Variants in TTC23L observed in about 807,000 individuals in gnomAD.
TTC23L encodes tetratricopeptide repeat protein 23-like.
A neutral mutation model predicts 48.1 loss-of-function variants in TTC23L; 42 were observed. The ratio of observed to expected loss-of-function variants is 0.87; its 90% confidence interval spans 0.68 to 1.13. The LOEUF (loss-of-function observed/expected upper bound fraction) is 1.13, where lower values mean the gene tolerates loss of function less well. Ranked by LOEUF, TTC23L falls within the 50% of genes most tolerant of loss-of-function variation. TTC23L has a pLI of 0.00. For synonymous variants in TTC23L, 159 were observed against 157.2 expected (o/e 1.01, Z -0.09); for missense variants, 391 against 421.0 (o/e 0.93, Z 0.62).
chr5:34,901,528 C>T (rs1207571602), downstream of TTC23L, among the ~76,000 whole-genome samples: 1 of 151,894 alleles, frequency 6.6e-6, no homozygotes, highest in East Asian at 1.9e-4. Context: ...TTTGGGAGGC[C>T]GAGGCAGGCG....
chr5:34,908,655 G>T, the TTC23L span: 1 of 995,180 alleles, frequency 1.0e-6, no homozygotes, highest in South Asian at 1.8e-5. Context: ...CTTCCCCATT[G>T]TGCTTCTTCT....
At chr5:34,877,847 A>G (rs2111618217) in intron 8 of TTC23L, among the ~76,000 whole-genome samples, 1 of 152,348 alleles carries the variant, frequency 6.6e-6, no homozygotes, top group East Asian at 1.9e-4. Context: ...TAAGAGAAGA[A>G]AAGGAAATAA....
At chr5:34,843,280 A>G (rs769568772) in intron 2 of TTC23L, among the ~76,000 whole-genome samples, 1 of 152,220 alleles carries the variant, frequency 6.6e-6, no homozygotes, top group Non-Finnish European at 1.5e-5. Context: ...AACATATGGA[A>G]TCAATTATAA....
chr5:34,917,638 T>TCAAA, the TTC23L span, among the ~76,000 whole-genome samples: 1 of 152,084 alleles, frequency 6.6e-6, no homozygotes, highest in Non-Finnish European at 1.5e-5. Flanking sequence ...AGACTCCATC[T>TCAAA]CAAACAAACA....
At chr5:34,909,118 G>T in the TTC23L span, 1 of 870,652 alleles carries the variant, frequency 1.1e-6, no homozygotes, top group Non-Finnish European at 1.8e-6. Flanking sequence ...ACATCCCCTA[G>T]TAAGTCCAGC....
At chr5:34,867,039 C>T in exon 7 of TTC23L, 1 of 1,611,858 alleles carries the variant, frequency 6.2e-7, no homozygotes. Context: ...TGAGGAGGAA[C>T]CACAACCAGG....
the TTC23L span, among the ~76,000 whole-genome samples, chr5:34,911,012 C>G: frequency 5.7e-4 from 87 of 152,310 alleles, no homozygotes; most frequent in African/African-American, 2.0e-3. Context: ...TCCCAGGTAT[C>G]TGTGTGTGCT....
At chr5:34,881,909 C>G (rs1041428958) in intron 9 of TTC23L, among the ~76,000 whole-genome samples, 1 of 151,848 alleles carries the variant, frequency 6.6e-6, no homozygotes, top group African/African-American at 2.4e-5. Context: ...GGATTACAGG[C>G]GCCCACCACT....
chr5:34,924,150 G>A, the TTC23L span, among the ~76,000 whole-genome samples: 2 of 152,226 alleles, frequency 1.3e-5, no homozygotes, highest in African/African-American at 2.4e-5. Flanking sequence ...GGAGAAAAGA[G>A]GAGGTGACTC....
At chr5:34,843,220 C>T (rs1758839789) in intron 2 of TTC23L, among the ~76,000 whole-genome samples, 3 of 152,160 alleles carry the variant, frequency 2.0e-5, no homozygotes, top group Admixed American at 6.5e-5. Context: ...GGGAAATAAT[C>T]GGATAATTTA....
chr5:34,898,521 A>G (rs1763367514), intron 10 of TTC23L, among the ~76,000 whole-genome samples: 1 of 152,188 alleles, frequency 6.6e-6, no homozygotes, highest in African/African-American at 2.4e-5. Flanking sequence ...CCTAGCAGAG[A>G]TGCAGCCCTC....
At chr5:34,908,149 C>G in the TTC23L span, 2 of 149,780 alleles carry the variant, frequency 1.3e-5, no homozygotes, top group East Asian at 3.9e-4. Context: ...CAGGTAGCTG[C>G]ATCAAACTTT....
chr5:34,909,825 G>A, the TTC23L span, among the ~76,000 whole-genome samples: 50 of 152,260 alleles, frequency 3.3e-4, no homozygotes, highest in Middle Eastern at 6.8e-3. Context: ...GTTATTTGTA[G>A]ACAATTTATA....
At chr5:34,918,445 T>G in the TTC23L span, 1 of 1,608,968 alleles carries the variant, frequency 6.2e-7, no homozygotes, top group Non-Finnish European at 8.5e-7. Flanking sequence ...AATGCAGGAC[T>G]TGAGAATGTT....
At chr5:34,858,075 T>C (rs757787587) in intron 4 of TTC23L, among the ~76,000 whole-genome samples, 2 of 152,192 alleles carry the variant, frequency 1.3e-5, no homozygotes, top group Non-Finnish European at 2.9e-5. Context: ...TGTTGGACAA[T>C]CTTTGGACTC....
chr5:34,888,428 T>G, intron 9 of TTC23L: 1 of 971,276 alleles, frequency 1.0e-6, no homozygotes, highest in Non-Finnish European at 1.2e-6. Context: ...TGATTCTCTT[T>G]AACCTGTTGT....
downstream of TTC23L, among the ~76,000 whole-genome samples, chr5:34,900,674 G>T (rs535928901): frequency 6.6e-6 from 1 of 152,274 alleles, no homozygotes; most frequent in African/African-American, 2.4e-5. Context: ...TTCTTGTAAT[G>T]TCATGACTTC....
chr5:34,879,995 A>C (rs961078497), intron 8 of TTC23L, among the ~76,000 whole-genome samples, 186 bp from the exon 9 acceptor site: 4 of 152,288 alleles, frequency 2.6e-5, no homozygotes, highest in East Asian at 1.9e-4. Context: ...ACTCTATCTC[A>C]AAAAACAAAA....
At chr5:34,882,059 A>G (rs1189122790) in intron 9 of TTC23L, among the ~76,000 whole-genome samples, 1 of 152,182 alleles carries the variant, frequency 6.6e-6, no homozygotes, top group Non-Finnish European at 1.5e-5. Flanking sequence ...CGGCCGGTTC[A>G]GAAGATTAAC....
Sources: allele counts gnomAD v4.1 joint callset (sites outside exome capture counted in the v4.1 genomes callset), GRCh38; gene constraint gnomAD v4.1.1; transcripts MANE v1.5; gene names NCBI Gene and HGNC (gene_info 2026-07-23, HGNC 2026-07-21).